The following RDH5 variants were observed in gnomAD, a reference collection of about 807,000 sequenced individuals.
RDH5 encodes retinol dehydrogenase 5, also known as 11-cis RDH.
Under a neutral mutation model 24.0 loss-of-function variants are expected in RDH5, and 25 were observed. The ratio of observed to expected loss-of-function variants is 1.04; its 90% CI spans 0.76 to 1.46. The LOEUF (loss-of-function observed/expected upper bound fraction) is 1.46, where lower values mean the gene tolerates loss of function less well. Ranked by LOEUF, RDH5 falls within the 40% of genes most tolerant of loss-of-function variation. RDH5 has a pLI of 0.00. For missense variants in RDH5, 369 were observed against 410.3 expected, an observed-to-expected ratio of 0.90 and a Z score of 0.87; for synonymous variants, 170 against 175.2, an observed-to-expected ratio of 0.97 and a Z score of 0.23.
Position 55,722,148 on chromosome 12 carries a change from C to T in RDH5, c.569+201C>T, listed in dbSNP as rs1464977008. ...ATTACTTCTCTTTACCCATTTTTAA[C>T]GTGTTTGTTTTTTGTTTTTTGAGAT... On this transcript the variant is annotated intron_variant, in intron 3 of 4. Transcript: ENST00000257895. 1.5e-5 allele frequency: 9 copies of T among 610,936 alleles called. No individual in the cohort carries two copies. In the East Asian group the frequency reaches 2.6e-4, roughly 17 times the overall value. 37.8% of individuals were successfully genotyped at this position (610,936 alleles called of 1,614,324 possible).
Position 55,724,501 on chromosome 12 carries a change from G to A in RDH5, c.913G>A (p.Val305Met), listed in dbSNP as rs1877108948. 1.2e-6 allele frequency: 2 copies of A among 1,613,302 alleles called. No individual in the cohort carries two copies. Among genetic ancestry groups the A allele is most frequent in the Non-Finnish European group, 8.5e-7 (1 of 1,180,034 alleles). Residue 305 changes from valine to methionine, a missense_variant, in exon 5 of 5, where the codon GTG becomes ATG. Val to Met is a conservative substitution (Grantham distance 21). Coordinates refer to ENST00000257895, the MANE Select transcript of RDH5 (RefSeq NM_002905.5). ...CCTGCCAGCCAGCCTGGTGGATGCTGTGCTCACCTGGGTCCTTCCCAAGCC... is the reference window on the plus strand; with the variant it reads ...CCTGCCAGCCAGCCTGGTGGATGCTATGCTCACCTGGGTCCTTCCCAAGCC... ...SYLPASLVDAVLTWVLPKPAQ... is the reference protein window; with the variant it reads ...SYLPASLVDAMLTWVLPKPAQ...
Position 55,724,497 on chromosome 12 carries a change from T to C in RDH5, c.909T>C (p.Asp303=). Residue 303 remains aspartate (D), a synonymous_variant, in exon 5 of 5, where the codon GAT becomes GAC. Coordinates refer to ENST00000257895, the MANE Select transcript of RDH5 (RefSeq NM_002905.5). ...CCTACCTGCCAGCCAGCCTGGTGGATGCTGTGCTCACCTGGGTCCTTCCCA... is the reference window on the plus strand; with the variant it reads ...CCTACCTGCCAGCCAGCCTGGTGGACGCTGTGCTCACCTGGGTCCTTCCCA... ...PASYLPASLV[D]AVLTWVLPKP... The C allele has an allele frequency of 1.2e-6, 2 of 1,613,556 alleles. No homozygotes were observed. The highest frequency in any genetic ancestry group is 1.7e-6 in the Non-Finnish European group (2 of 1,180,028).
At chr12:55,724,105 C>A in intron 4 of RDH5, 56 bp downstream of exon 4, 1 of 1,581,084 alleles carries the variant, frequency 6.3e-7, no homozygotes, top group Non-Finnish European at 8.6e-7. Flanking sequence ...CCAGAAAGGC[C>A]AGTCCTGCAT....
chr12:55,724,566 A>T lies in RDH5; in HGVS notation c.*21A>T, dbSNP rs1208196098. 1 of 1,601,894 alleles carries T rather than the reference A, an allele frequency of 6.2e-7. No individual in the cohort carries two copies. Among genetic ancestry groups the T allele is most frequent in the Non-Finnish European group, 8.5e-7 (1 of 1,175,820 alleles). On this transcript the variant is annotated 3_prime_UTR_variant, in exon 5 of 5. Transcript: ENST00000257895. ...ACTGAATCCAGCCTTCCAGCAAGAG[A>T]TTGTTTTTCAAGGACAAGGACTTTG... is the stretch of plus-strand genomic sequence containing the variant.
Position 55,724,010 on chromosome 12 carries a change from G to T in RDH5, c.694G>T (p.Ala232Ser). The T allele has an allele frequency of 6.2e-7, 1 of 1,612,942 alleles. No individual in the cohort carries two copies. Reference protein sequence around the residue: ...LQACWARLPPATQAHYGGAFL... With the variant: ...LQACWARLPPSTQAHYGGAFL... Reference sequence around the variant, plus strand: ...GGCCTGCTGGGCACGGCTGCCTCCTGCCACACAGGCCCACTATGGGGGGGC... The same window carrying T: ...GGCCTGCTGGGCACGGCTGCCTCCTTCCACACAGGCCCACTATGGGGGGGC... Residue 232 changes from alanine (A) to serine (S), a missense_variant, in exon 4 of 5, where the codon GCC becomes TCC. Physicochemically the swap from Ala to Ser is moderately conservative, Grantham distance 99. Coordinates refer to ENST00000257895, the MANE Select transcript of RDH5 (RefSeq NM_002905.5).
At chr12:55,720,912 C>G in intron 1 of RDH5, 1 of 417,606 alleles carries the variant, frequency 2.4e-6, no homozygotes, top group Non-Finnish European at 4.3e-6. Context: ...AAAAAGATGC[C>G]TCTGCTCCAT....
At position 55,721,905 on chromosome 12, in the gene RDH5, G is replaced by A. The variant is rs757300647; in HGVS notation, c.527G>A (p.Cys176Tyr). Residue 176 changes from cysteine to tyrosine, a missense_variant, in exon 3 of 5, where the codon TGT (cysteine) becomes TAT (tyrosine). Cys to Tyr is a radical substitution (Grantham distance 194). Transcript: ENST00000257895. The surrounding 1 kb of genome is among the most constrained non-coding windows in gnomAD (Gnocchi z 4.7). ...GRLAANGGGY[C>Y]VSKFGLEAFS... ...CTGGCAGCCAATGGTGGGGGCTACT[G>A]TGTCTCCAAATTTGGCCTGGAGGCC... is the stretch of plus-strand genomic sequence containing the variant. 3.7e-6 allele frequency: 6 copies of A among 1,613,604 alleles called. No individual in the cohort carries two copies. Among genetic ancestry groups the A allele is most frequent in the Non-Finnish European group, 2.5e-6 (3 of 1,179,772 alleles).
At position 55,724,034 on chromosome 12, in the gene RDH5, G is replaced by A; in HGVS notation, c.718G>A (p.Ala240Thr). The A allele has an allele frequency of 5.0e-6, 8 of 1,610,882 alleles. No homozygotes were observed. The South Asian group carries it at 5.5e-5, about 11-fold the overall frequency. ...TGCCACACAGGCCCACTATGGGGGG[G>A]CCTTCCTCACCAAGTGTGAGTAGCC... ...PPATQAHYGG[A>T]FLTKYLKMQQ... Residue 240 changes from alanine to threonine, a missense_variant, in exon 4 of 5, where the codon GCC becomes ACC. Transcript: ENST00000257895.
chr12:55,722,004 G>A, intron 3 of RDH5, 57 bp downstream of exon 3: 1 of 1,578,778 alleles, frequency 6.3e-7, no homozygotes, highest in South Asian at 1.1e-5. Context: ...CAACAAACGT[G>A]GGCCAGCAGA....
intron 4 of RDH5, 52 bp from the exon 5 acceptor site, chr12:55,724,270 A>T: frequency 6.3e-7 from 1 of 1,598,886 alleles, no homozygotes; most frequent in Non-Finnish European, 8.6e-7. Flanking sequence ...AGTACCTAAG[A>T]TGGGCTGGAG....
rs771317797 is a variant in RDH5 at position 55,721,371 on chromosome 12, T to G, written c.187T>G (p.Ser63Ala). 1 of 1,613,884 alleles carries G rather than the reference T, an allele frequency of 6.2e-7. No individual in the cohort carries two copies. ...AGTCCTGGCCAGCTGCCTGACCCCCTCCGGGGCCGAGGACCTGCAGCGGGT... is the reference window on the plus strand; with the variant it reads ...AGTCCTGGCCAGCTGCCTGACCCCCGCCGGGGCCGAGGACCTGCAGCGGGT... ...FRVLASCLTP[S>A]GAEDLQRVAS... Residue 63 changes from serine (S) to alanine (A), a missense_variant, in exon 2 of 5, where the codon TCC becomes GCC. Coordinates refer to ENST00000257895, the MANE Select transcript of RDH5 (RefSeq NM_002905.5). The surrounding 1 kb of genome is among the most constrained non-coding windows in gnomAD (Gnocchi z 4.7).
In RDH5 at chr12:55,721,153, G is replaced by A; in HGVS notation, c.-32G>A. The A allele has an allele frequency of 5.6e-6, 9 of 1,610,702 alleles. No individual in the cohort carries two copies. The highest frequency in any genetic ancestry group is 7.6e-6 in the Non-Finnish European group (9 of 1,177,628). On this transcript the variant is annotated splice_region_variant and 5_prime_UTR_variant, in exon 2 of 5. Transcript: ENST00000257895. The surrounding 1 kb of genome is among the most constrained non-coding windows in gnomAD (Gnocchi z 4.7). ...GGACAAGTTTTTCTGCCCAGCCTAGGCTGCCACCTGTAGGTCACTTGGGCT... is the reference window on the plus strand; with the variant it reads ...GGACAAGTTTTTCTGCCCAGCCTAGACTGCCACCTGTAGGTCACTTGGGCT...
At position 55,721,686 on chromosome 12, in the gene RDH5, C is replaced by T; in HGVS notation, c.311-3C>T. 1 of 1,610,110 alleles carries T rather than the reference C, an allele frequency of 6.2e-7. No individual in the cohort carries two copies. The highest frequency in any genetic ancestry group is 1.7e-5 in the Admixed American group (1 of 60,018). ...CCCCAGCATCCTTTTCATCTCCCCA[C>T]AGGGCTTTTTGGTCTGGTGAATAAT... On this transcript the variant is annotated splice_polypyrimidine_tract_variant and splice_region_variant and intron_variant, in intron 2 of 4. Coordinates refer to ENST00000257895, the MANE Select transcript of RDH5 (RefSeq NM_002905.5). The surrounding 1 kb of genome is among the most constrained non-coding windows in gnomAD (Gnocchi z 4.7).
chr12:55,721,976 G>T lies in RDH5; in HGVS notation c.569+29G>T. ...AGGGGTACAGGGCTCTGGGTTCCAG[G>T]ACTAACAGCAGCCCACTCAACAAAC... On this transcript the variant is annotated intron_variant, in intron 3 of 4. Coordinates refer to ENST00000257895, the MANE Select transcript of RDH5 (RefSeq NM_002905.5). This position sits in a 1 kb window ranked among gnomAD's most constrained non-coding sequence, Gnocchi z 4.7. The T allele has an allele frequency of 1.2e-6, 2 of 1,608,212 alleles. No homozygotes were observed. Among genetic ancestry groups the T allele is most frequent in the South Asian group, 1.1e-5 (1 of 90,214 alleles).
Position 55,721,594 on chromosome 12 carries a change from A to G in RDH5, c.311-95A>G, listed in dbSNP as rs943475814. 5.0e-5 allele frequency: 80 copies of G among 1,596,454 alleles called. No individual in the cohort carries two copies. The East Asian group carries it at 6.2e-4, about 12-fold the overall frequency. ...AGGGCTGTGGTAAGCTAAAGGGACA[A>G]TTTGAGGAGAAGCAGTTTTCAGATG... is the stretch of plus-strand genomic sequence containing the variant. On this transcript the variant is annotated intron_variant, in intron 2 of 4. Transcript: ENST00000257895. This position sits in a 1 kb window ranked among gnomAD's most constrained non-coding sequence, Gnocchi z 4.7.
intron 3 of RDH5, chr12:55,723,658 C>T (rs2136141639): frequency 1.8e-6 from 1 of 560,950 alleles, no homozygotes; most frequent in East Asian, 3.1e-5. Flanking sequence ...ACTCTCTGGC[C>T]CTTTAAGAAA....
Position 55,721,635 on chromosome 12 carries a change from G to A in RDH5, c.311-54G>A, listed in dbSNP as rs185097101. On this transcript the variant is annotated intron_variant, in intron 2 of 4. Transcript: ENST00000257895. This position sits in a 1 kb window ranked among gnomAD's most constrained non-coding sequence, Gnocchi z 4.7. ...TTTTCAGATGCTCCCAGGAAGAAGA[G>A]GGAGCTGTGGGAGTGCCTCACCTAC... The A allele has an allele frequency of 2.5e-6, 4 of 1,601,594 alleles. No individual in the cohort carries two copies. In the African/African-American group the frequency reaches 5.3e-5, roughly 21 times the overall value.
intron 3 of RDH5, chr12:55,722,225 C>T: frequency 2.8e-6 from 1 of 358,640 alleles, no homozygotes; most frequent in South Asian, 3.6e-5. Flanking sequence ...TCTTGGCTCA[C>T]CACAATTTCC....
Position 55,721,969 on chromosome 12 carries a change from GT to G in RDH5, c.569+24del. The G allele has an allele frequency of 1.9e-6, 3 of 1,609,580 alleles. No homozygotes were observed. Among genetic ancestry groups the G allele is most frequent in the South Asian group, 2.2e-5 (2 of 90,376 alleles). On this transcript the variant is annotated intron_variant, in intron 3 of 4. Transcript: ENST00000257895. This position sits in a 1 kb window ranked among gnomAD's most constrained non-coding sequence, Gnocchi z 4.7. Reference sequence around the variant, plus strand: ...TGAGGTGAGGGGTACAGGGCTCTGGGTTCCAGGACTAACAGCAGCCCACTCA... The same window carrying G: ...TGAGGTGAGGGGTACAGGGCTCTGGGTCCAGGACTAACAGCAGCCCACTCA...
Sources: allele counts gnomAD v4.1 joint callset, GRCh38; gene constraint gnomAD v4.1.1; non-coding constraint Gnocchi (gnomAD v3.1); transcripts MANE v1.5; gene names NCBI Gene and HGNC (gene_info 2026-07-23, HGNC 2026-07-21).